PLCG2: variants seen among roughly 807,000 people sequenced by gnomAD.
The protein encoded by PLCG2 is 1-phosphatidylinositol 4,5-bisphosphate phosphodiesterase gamma-2.
A neutral mutation model predicts 175.6 loss-of-function variants in PLCG2; 69 were observed. That is an observed-to-expected ratio of 0.39 (90% CI 0.32 to 0.48). The LOEUF (loss-of-function observed/expected upper bound fraction) is 0.48, where lower values mean the gene tolerates loss of function less well. Among genes scored for constraint, PLCG2 ranks in the 20% least tolerant of loss-of-function variants. The pLI is 0.91. For missense variants in PLCG2, 1,798 were observed against 1,650.9 expected, an observed-to-expected ratio of 1.09 and a Z score of -1.54; for synonymous variants, 827 against 624.0, an observed-to-expected ratio of 1.33 and a Z score of -4.85.
intron 17 of PLCG2, 140 bp downstream of exon 17, chr16:81,908,731 G>C (rs1909488696): frequency 1.4e-6 from 1 of 700,702 alleles, no homozygotes. Flanking sequence ...GCTCTTCTAG[G>C]CCGGGACAAG....
chr16:81,860,270 A>G (rs953800292), intron 5 of PLCG2, among the ~76,000 whole-genome samples: 4 of 149,008 alleles, frequency 2.7e-5, no homozygotes, highest in African/African-American at 7.4e-5. Flanking sequence ...ATGCATTGTC[A>G]TTTCGGAAAT....
intron 21 of PLCG2, among the ~76,000 whole-genome samples, chr16:81,921,890 A>G (rs1476555706): frequency 1.3e-5 from 2 of 152,244 alleles, no homozygotes; most frequent in Non-Finnish European, 2.9e-5. Context: ...TTTATAATCC[A>G]TGGCCAATGC....
chr16:81,936,747 T>C (rs149471008), intron 27 of PLCG2, among the ~76,000 whole-genome samples: 102 of 152,354 alleles, frequency 6.7e-4, no homozygotes, highest in African/African-American at 2.1e-3. Flanking sequence ...GACATTTACA[T>C]GCTGGCATAA....
chr16:81,917,399 C>T (rs1157414777), intron 19 of PLCG2, among the ~76,000 whole-genome samples: 2 of 152,116 alleles, frequency 1.3e-5, no homozygotes, highest in African/African-American at 4.8e-5. Context: ...TCCTTTCCTT[C>T]AGATATATAC....
intron 1 of PLCG2, among the ~76,000 whole-genome samples, chr16:81,743,865 CTTTTT>C (rs200988694): frequency 6.8e-6 from 1 of 146,704 alleles, no homozygotes; most frequent in Non-Finnish European, 1.5e-5. Context: ...TTTTCTTTTT[CTTTTT>C]TTTTTTAAGA....
chr16:81,943,602 G>A (rs1911039633), intron 30 of PLCG2, among the ~76,000 whole-genome samples: 1 of 152,152 alleles, frequency 6.6e-6, no homozygotes, highest in African/African-American at 2.4e-5. Context: ...TAGCTCATTA[G>A]AGATGCAGAA....
At chr16:81,848,763 G>T (rs556112311) in intron 2 of PLCG2, among the ~76,000 whole-genome samples, 14 of 152,326 alleles carry the variant, frequency 9.2e-5, no homozygotes, top group African/African-American at 3.4e-4. Flanking sequence ...TGGTGAAGAA[G>T]GGTGTACAAT....
chr16:81,891,555 C>T lies in PLCG2; in HGVS notation c.951C>T (p.Pro317=). The T allele has an allele frequency of 3.1e-6, 5 of 1,607,986 alleles. No homozygotes were observed. Among genetic ancestry groups the T allele is most frequent in the Non-Finnish European group, 4.3e-6 (5 of 1,174,534 alleles). ...TGGACATGCAGGACATGAACAACCCCCTGTCTCATTACTGGATCTCCTCGT... is the reference window on the plus strand; with the variant it reads ...TGGACATGCAGGACATGAACAACCCTCTGTCTCATTACTGGATCTCCTCGT... ...DAVDMQDMNN[P]LSHYWISSSH... Residue 317 remains proline (P), a synonymous_variant, in exon 11 of 33, where the codon CCC becomes CCT. Transcript: ENST00000564138.
At chr16:81,874,958 T>G (rs1205182926) in intron 7 of PLCG2, among the ~76,000 whole-genome samples, 2 of 142,788 alleles carry the variant, frequency 1.4e-5, no homozygotes, top group Non-Finnish European at 3.0e-5. Context: ...GTTTTTTTTT[T>G]TTTTTTTTTT....
At chr16:81,924,915 A>T (rs1039558746) in intron 22 of PLCG2, among the ~76,000 whole-genome samples, 1 of 152,150 alleles carries the variant, frequency 6.6e-6, no homozygotes, top group Non-Finnish European at 1.5e-5. Flanking sequence ...AAGTCCCTCC[A>T]CTCGAAGTGG....
rs772108094 is a variant in PLCG2 at position 81,859,170 on chromosome 16, G to C, written c.479+7G>C. 25 of 1,578,192 alleles carry C rather than the reference G, an allele frequency of 1.6e-5. No individual in the cohort carries two copies. The South Asian group carries it at 2.8e-4, about 17-fold the overall frequency. On this transcript the variant is annotated splice_region_variant and intron_variant, in intron 5 of 32. Coordinates refer to ENST00000564138, the MANE Select transcript of PLCG2 (RefSeq NM_002661.5). Reference sequence around the variant, plus strand: ...ATCAAACCAGAAGAAACAGGTAAGAGTCATTCAGTTTTTTTCTGATCACTT... The same window carrying C: ...ATCAAACCAGAAGAAACAGGTAAGACTCATTCAGTTTTTTTCTGATCACTT...
chr16:81,764,181 C>G (rs1910096722), intron 2 of PLCG2, among the ~76,000 whole-genome samples: 1 of 152,010 alleles, frequency 6.6e-6, no homozygotes, highest in African/African-American at 2.4e-5. Flanking sequence ...GTATCCCTAG[C>G]TACTCCGGAG....
intron 1 of PLCG2, among the ~76,000 whole-genome samples, chr16:81,785,096 A>G (rs1253715021): frequency 6.6e-6 from 1 of 152,128 alleles, no homozygotes; most frequent in Non-Finnish European, 1.5e-5. Context: ...ATGAGATCCT[A>G]GGAGGAGCCG....
At chr16:81,850,084 G>A (rs183498847) in intron 2 of PLCG2, among the ~76,000 whole-genome samples, 314 of 152,312 alleles carry the variant, frequency 2.1e-3, no homozygotes, top group Non-Finnish European at 2.7e-3. Context: ...AGGAGACTCC[G>A]TAGGATTGAA....
intron 9 of PLCG2, 58 bp downstream of exon 9, chr16:81,883,399 A>C (rs994365713): frequency 7.1e-7 from 1 of 1,413,570 alleles, no homozygotes; most frequent in Admixed American, 1.7e-5. Context: ...GCTGGGGACT[A>C]GTCTCACCCT....
intron 23 of PLCG2, among the ~76,000 whole-genome samples, 158 bp from the exon 24 acceptor site, chr16:81,928,400 A>G (rs1414252319): frequency 6.6e-6 from 1 of 152,220 alleles, no homozygotes; most frequent in African/African-American, 2.4e-5. Context: ...TCCATGCTTC[A>G]TTATTTAGCT....
intron 2 of PLCG2, among the ~76,000 whole-genome samples, chr16:81,836,977 C>G (rs1410943987): frequency 6.6e-6 from 1 of 152,204 alleles, no homozygotes; most frequent in Non-Finnish European, 1.5e-5. Flanking sequence ...TTGGTTTTCT[C>G]TGAAGCCGAA....
rs1440249220 is a variant in PLCG2, at chr16:81,961,049, G to C, written c.*3051G>C. ...TTGGAAAGTGAAAGACTTATCAACA[G>C]GGCACAAATCTTTTTGCAAATGGAT... On this transcript the variant is annotated 3_prime_UTR_variant, in exon 33 of 33. Transcript: ENST00000564138. 8.6e-6 allele frequency: 2 copies of C among 231,400 alleles called. No individual in the cohort carries two copies. Among genetic ancestry groups the C allele is most frequent in the African/African-American group, 4.4e-5 (2 of 45,254 alleles). The allele number at this position is 231,400 out of a possible 1,614,324, so 14.3% of individuals were successfully genotyped here.
At chr16:81,923,724 A>C (rs1476062254) in intron 22 of PLCG2, 130 bp downstream of exon 22, 1 of 582,464 alleles carries the variant, frequency 1.7e-6, no homozygotes, top group East Asian at 2.8e-5. Flanking sequence ...TCTTGTGTTA[A>C]GTCCCTTCTT....
Sources: gnomAD v4.1 joint callset for allele counts (sites outside exome capture counted in the v4.1 genomes callset) on GRCh38, gnomAD v4.1.1 for gene constraint, MANE v1.5 for transcripts, NCBI Gene and HGNC (gene_info 2026-07-23, HGNC 2026-07-21) for gene names.